Variants in NAALADL1 observed in about 807,000 individuals in gnomAD.
NAALADL1 encodes the protein aminopeptidase NAALADL1.
A neutral mutation model predicts 82.8 loss-of-function variants in NAALADL1; 77 were observed. The observed-to-expected ratio is 0.93, with a 90% CI of 0.77 to 1.12. The LOEUF (loss-of-function observed/expected upper bound fraction) is 1.12, where lower values mean the gene tolerates loss of function less well. NAALADL1 is among the 50% of genes most tolerant of loss of function. NAALADL1 has a pLI of 0.00. For missense variants in NAALADL1, 956 were observed against 964.0 expected (o/e 0.99, Z 0.11); for synonymous variants, 358 against 399.2 (o/e 0.90, Z 1.23).
rs1946788486 is a variant in NAALADL1 at position 65,048,145 on chromosome 11, C to T, written c.1348+7G>A. On this transcript the variant is annotated splice_region_variant and intron_variant, in intron 10 of 17. Coordinates refer to ENST00000358658, the MANE Select transcript of NAALADL1 (RefSeq NM_005468.3). ...TCCTCCCCTTTCCTGCCCCACCACCCACATACCAAACACCGAGATGTCCAC... is the reference window on the plus strand; with the variant it reads ...TCCTCCCCTTTCCTGCCCCACCACCTACATACCAAACACCGAGATGTCCAC... The T allele has an allele frequency of 1.2e-6, 2 of 1,613,978 alleles. No individual in the cohort carries two copies. Among genetic ancestry groups the T allele is most frequent in the African/African-American group, 1.3e-5 (1 of 74,954 alleles).
At chr11:65,060,875 A>G (rs1025441266), upstream of NAALADL1, among the ~76,000 whole-genome samples, 1 of 152,098 alleles carries the variant, frequency 6.6e-6, no homozygotes, top group African/African-American at 2.4e-5. Flanking sequence ...TTATTCTCCC[A>G]ATGGCTCTGG....
rs752417190 is a variant in NAALADL1 at position 65,053,627 on chromosome 11, C to T, written c.993-51G>A. 7.4e-6 allele frequency: 11 copies of T among 1,486,650 alleles called. 1 individual carries two copies. The highest frequency in any genetic ancestry group is 5.2e-5 in the South Asian group (4 of 77,236). The allele number at this position is 1,486,650 out of a possible 1,614,324, so 92.1% of individuals were successfully genotyped here. A position where few individuals can be genotyped will look rare whatever the true frequency, so the allele number is the denominator to read the frequency against. On this transcript the variant is annotated intron_variant, in intron 6 of 17. Coordinates refer to ENST00000358658, the MANE Select transcript of NAALADL1 (RefSeq NM_005468.3). The surrounding 1 kb of genome is among the most constrained non-coding windows in gnomAD (Gnocchi z 4.3). The stretch of plus-strand genomic sequence containing the variant: ...GACTCTTGGCCTTGCCCACTGCCCC[C>T]GACCCAGTGCAGGAGACACTGAGGC...
chr11:65,054,465 C>A lies in NAALADL1; in HGVS notation c.877G>T (p.Asp293Tyr), dbSNP rs761158590. 2 of 1,614,112 alleles carry A rather than the reference C, an allele frequency of 1.2e-6. No individual in the cohort carries two copies. Among genetic ancestry groups the A allele is most frequent in the Non-Finnish European group, 1.7e-6 (2 of 1,180,016 alleles). ...TQPIGFQDAR[D>Y]LLCNLNGTLA... ...AGGGCACAAACTCACCAGAGCAGGT[C>A]TCTTGCATCCTGGAAGCCAATGGGC... The change falls in exon 5 of 18, where the codon GAC becomes TAC. Residue 293 changes from aspartate to tyrosine, a missense_variant. Physicochemically the swap from Asp to Tyr is radical, Grantham distance 160 (BLOSUM62 -3). Coordinates refer to ENST00000358658, the MANE Select transcript of NAALADL1 (RefSeq NM_005468.3). The surrounding 1 kb of genome is among the most constrained non-coding windows in gnomAD (Gnocchi z 4.3).
chr11:65,061,198 G>A (rs1423581881), upstream of NAALADL1, among the ~76,000 whole-genome samples: 1 of 152,218 alleles, frequency 6.6e-6, no homozygotes, highest in Non-Finnish European at 1.5e-5. Flanking sequence ...AGACACTCAA[G>A]CAGCCCTGTG....
chr11:65,060,601 CTGAG>C (rs1947171226), upstream of NAALADL1, among the ~76,000 whole-genome samples: 1 of 152,146 alleles, frequency 6.6e-6, no homozygotes, highest in African/African-American at 2.4e-5. Flanking sequence ...TGTGTGACAT[CTGAG>C]TGATAACACC....
At chr11:65,046,953 G>A (rs488686) in intron 13 of NAALADL1, among the ~76,000 whole-genome samples, 59,699 of 150,918 alleles carry the variant, frequency 0.4, 13,474 homozygotes, top group East Asian at 0.76. Context: ...TGAGTTAATC[G>A]ATGCTGAGAT....
upstream of NAALADL1, among the ~76,000 whole-genome samples, chr11:65,060,061 G>T (rs544075909): frequency 3.3e-5 from 5 of 152,306 alleles, no homozygotes; most frequent in Admixed American, 6.5e-5. Context: ...TGCCTCGCAG[G>T]TTGCAGCCCA....
At chr11:65,061,124 G>A (rs190826363), upstream of NAALADL1, among the ~76,000 whole-genome samples, 2 of 152,226 alleles carry the variant, frequency 1.3e-5, no homozygotes, top group African/African-American at 2.4e-5. Context: ...CTTCTTCTGC[G>A]CCTGCACCCT....
chr11:65,058,487 C>T lies in NAALADL1; in HGVS notation c.35G>A (p.Gly12Glu), dbSNP rs934795850. 3 of 1,608,360 alleles carry T rather than the reference C, an allele frequency of 1.9e-6. No homozygotes were observed. The highest frequency in any genetic ancestry group is 2.5e-6 in the Non-Finnish European group (3 of 1,177,392). ...QWTKVLGLGL[G>E]AAALLGLGII... is the part of the protein sequence containing the mutation. The stretch of plus-strand genomic sequence containing the variant: ...CCCCAGCCCCAAGAGGGCAGCAGCC[C>T]CCAGCCCCAGCCCCAACACCTTCGT... Residue 12 changes from glycine (G) to glutamate (E), a missense_variant, in exon 1 of 18, where the codon GGG becomes GAG. Coordinates refer to ENST00000358658, the MANE Select transcript of NAALADL1 (RefSeq NM_005468.3).
At chr11:65,059,874 G>A (rs1947147427), upstream of NAALADL1, among the ~76,000 whole-genome samples, 1 of 152,324 alleles carries the variant, frequency 6.6e-6, no homozygotes, top group Non-Finnish European at 1.5e-5. Flanking sequence ...GGTCCTCCAA[G>A]GCTGAAAAGG....
upstream of NAALADL1, among the ~76,000 whole-genome samples, chr11:65,059,161 C>T (rs546133200): frequency 6.6e-6 from 1 of 151,976 alleles, no homozygotes; most frequent in Admixed American, 6.6e-5. Context: ...TACGGGTGTG[C>T]ACCACCATGT....
rs1041119269 is a variant in NAALADL1 at position 65,049,047 on chromosome 11, G to A, written c.1199-662C>T. Among the ~76,000 whole-genome samples, 11 of 152,144 alleles carry A rather than the reference G, an allele frequency of 7.2e-5. No individual in the cohort carries two copies. In the South Asian group the frequency reaches 1.7e-3, roughly 23 times the overall value. On this transcript the variant is annotated intron_variant, in intron 8 of 17. Transcript: ENST00000358658. Reference sequence around the variant, plus strand: ...CACTGCATCCAGCCTGAGGGACTGAGTCTCACTCTGTGGCCCAGGTTGGAG... The same window carrying A: ...CACTGCATCCAGCCTGAGGGACTGAATCTCACTCTGTGGCCCAGGTTGGAG...
rs950333515 is a variant in NAALADL1 at position 65,054,534 on chromosome 11, C to T, written c.808G>A (p.Val270Met). 13 of 1,613,834 alleles carry T rather than the reference C, an allele frequency of 8.1e-6. No homozygotes were observed. Among genetic ancestry groups the T allele is most frequent in the African/African-American group, 8.0e-5 (6 of 74,870 alleles). ...AATCCGGAGACATTGGCAAGGTCCA[C>T]GCGGAAGGAAGAGGGGACGGCTGGA... ...YLPAVPSSFRVDLANVSGFPP... is the reference protein window; with the variant it reads ...YLPAVPSSFRMDLANVSGFPP... The change falls in exon 5 of 18, where the codon GTG becomes ATG. Residue 270 changes from valine (V) to methionine (M), a missense_variant. Coordinates refer to ENST00000358658, the MANE Select transcript of NAALADL1 (RefSeq NM_005468.3). The surrounding 1 kb of genome is among the most constrained non-coding windows in gnomAD (Gnocchi z 4.3).
chr11:65,057,683 C>G (rs1249995500), intron 3 of NAALADL1, among the ~76,000 whole-genome samples, 190 bp from the exon 4 acceptor site: 2 of 152,130 alleles, frequency 1.3e-5, no homozygotes, highest in Non-Finnish European at 2.9e-5. Flanking sequence ...ACAGACCTGG[C>G]CTTGAGCAGA....
At position 65,058,209 on chromosome 11, in the gene NAALADL1, TC is replaced by T; in HGVS notation, c.226del (p.Asp76MetfsTer62). On this transcript the variant is annotated frameshift_variant, in exon 2 of 18. Transcript: ENST00000358658. LOFTEE classifies it high-confidence loss of function. ...REPHLASSPR[D>X]EDLVQLLLQR... ...CAGCAGCAGCTGCACCAGGTCCTCA[TC>T]CCGAGGGCTGGAGGCCAGGTGTGGC... is the stretch of plus-strand genomic sequence containing the variant. The T allele has an allele frequency of 6.2e-7, 1 of 1,613,604 alleles. No individual in the cohort carries two copies. Among genetic ancestry groups the T allele is most frequent in the Non-Finnish European group, 8.5e-7 (1 of 1,179,814 alleles).
At position 65,054,099 on chromosome 11, in the gene NAALADL1, T is replaced by G; in HGVS notation, c.992+151A>C. 10 of 652,546 alleles carry G rather than the reference T, an allele frequency of 1.5e-5. No homozygotes were observed. The highest frequency in any genetic ancestry group is 2.6e-5 in the Non-Finnish European group (10 of 387,380). 40.4% of individuals were successfully genotyped at this position (652,546 alleles called of 1,614,324 possible). A position where few individuals can be genotyped will look rare whatever the true frequency, so the allele number is the denominator to read the frequency against. On this transcript the variant is annotated intron_variant, in intron 6 of 17. Transcript: ENST00000358658. The surrounding 1 kb of genome is among the most constrained non-coding windows in gnomAD (Gnocchi z 4.3). ...CACGGGCTTCCCCAAAAACAAGACA[T>G]ATTTTGGGGTCAGGAGAGGGTCTGG...
At position 65,054,215 on chromosome 11, in the gene NAALADL1, G is replaced by T. The variant is rs1946970224; in HGVS notation, c.992+35C>A. Reference sequence around the variant, plus strand: ...GGGGAGAGGCGAGTTGGGGGAGAGGGCAACTGAGGGAGACCTGGTCTGGCT... The same window carrying T: ...GGGGAGAGGCGAGTTGGGGGAGAGGTCAACTGAGGGAGACCTGGTCTGGCT... On this transcript the variant is annotated intron_variant, in intron 6 of 17. Transcript: ENST00000358658. The surrounding 1 kb of genome is among the most constrained non-coding windows in gnomAD (Gnocchi z 4.3). 1.3e-6 allele frequency: 2 copies of T among 1,569,282 alleles called. No homozygotes were observed. The highest frequency in any genetic ancestry group is 1.7e-6 in the Non-Finnish European group (2 of 1,144,570).
Position 65,047,628 on chromosome 11 carries a change from C to T in NAALADL1, c.1508+19G>A. The T allele has an allele frequency of 6.3e-7, 1 of 1,593,942 alleles. No homozygotes were observed. The highest frequency in any genetic ancestry group is 8.5e-7 in the Non-Finnish European group (1 of 1,171,528). Reference sequence around the variant, plus strand: ...GCCGGACCGCCTCGCTCCGGGCCCCCTTCTGTCCCTGGGCTTACCTGGGGA... The same window carrying T: ...GCCGGACCGCCTCGCTCCGGGCCCCTTTCTGTCCCTGGGCTTACCTGGGGA... On this transcript the variant is annotated intron_variant, in intron 12 of 17. Transcript: ENST00000358658.
chr11:65,051,990 G>C (rs1488653760), intron 8 of NAALADL1, among the ~76,000 whole-genome samples: 3 of 152,146 alleles, frequency 2.0e-5, no homozygotes, highest in African/African-American at 7.2e-5. Flanking sequence ...GACCAGCTTA[G>C]GCAACACAGC....
Sources: gnomAD v4.1 joint callset for allele counts (sites outside exome capture counted in the v4.1 genomes callset) on GRCh38, gnomAD v4.1.1 for gene constraint, Gnocchi (gnomAD v3.1) non-coding constraint, MANE v1.5 for transcripts, NCBI Gene and HGNC (gene_info 2026-07-23, HGNC 2026-07-21) for gene names.